Variants in ADCK1 observed in about 807,000 individuals in gnomAD.
ADCK1 encodes the protein aarF domain containing kinase 1, also known as aarF domain-containing protein kinase 1.
ADCK1 carries 41 observed loss-of-function variants against 52.3 expected under a neutral mutation model. The ratio of observed to expected loss-of-function variants is 0.78; its 90% CI spans 0.61 to 1.02. The LOEUF (loss-of-function observed/expected upper bound fraction) is 1.02, where lower values mean the gene tolerates loss of function less well. ADCK1 is among the 50% of genes least tolerant of loss of function. The pLI is 0.00. For synonymous variants in ADCK1, 250 were observed against 274.6 expected (o/e 0.91, Z 0.89); for missense variants, 658 against 679.5 (o/e 0.97, Z 0.35).
chr14:77,911,563 G>T (rs565336071), intron 7 of ADCK1, among the ~76,000 whole-genome samples: 7 of 152,054 alleles, frequency 4.6e-5, no homozygotes, highest in Non-Finnish European at 5.9e-5. Flanking sequence ...CTGTTTTATC[G>T]TACCCATCTC....
At chr14:77,925,699 C>G in intron 8 of ADCK1, 65 bp from the exon 9 acceptor site, 1 of 1,539,064 alleles carries the variant, frequency 6.5e-7, no homozygotes, top group South Asian at 1.1e-5. Flanking sequence ...TTGGCATCAG[C>G]CAGGGACTTG....
intron 4 of ADCK1, among the ~76,000 whole-genome samples, chr14:77,861,454 C>T (rs1335867497): frequency 1.3e-5 from 2 of 151,900 alleles, no homozygotes; most frequent in South Asian, 2.1e-4. Flanking sequence ...GCATTTCCAG[C>T]CTCCTCCAGC....
intron 4 of ADCK1, among the ~76,000 whole-genome samples, chr14:77,872,213 A>G (rs1042368030): frequency 3.3e-5 from 5 of 152,164 alleles, no homozygotes; most frequent in South Asian, 4.1e-4. Context: ...ACTTCCAGAC[A>G]TAGAAACTGA....
chr14:77,906,344 C>A (rs998541750), intron 6 of ADCK1, among the ~76,000 whole-genome samples: 1 of 152,216 alleles, frequency 6.6e-6, no homozygotes, highest in Non-Finnish European at 1.5e-5. Flanking sequence ...ACTCGGCATG[C>A]TGGAAGCCCA....
At chr14:77,801,140 A>G (rs1280770077) in intron 1 of ADCK1, among the ~76,000 whole-genome samples, 2 of 152,208 alleles carry the variant, frequency 1.3e-5, no homozygotes, top group African/African-American at 2.4e-5. Context: ...CATGCACCAG[A>G]GTCACCTGGA....
intron 1 of ADCK1, among the ~76,000 whole-genome samples, chr14:77,811,881 A>G (rs2081345185): frequency 6.6e-6 from 1 of 152,254 alleles, no homozygotes; most frequent in Non-Finnish European, 1.5e-5. Context: ...AAATATTGGC[A>G]TAATAAAATG....
At chr14:77,844,614 C>T (rs568994121) in intron 3 of ADCK1, among the ~76,000 whole-genome samples, 104 of 152,150 alleles carry the variant, frequency 6.8e-4, no homozygotes, top group Middle Eastern at 6.8e-3. Flanking sequence ...GGGCGTTGGC[C>T]TGGAGTGTAG....
Position 77,920,742 on chromosome 14 carries a change from G to A in ADCK1, c.859-3715G>A, listed in dbSNP as rs576274655. On this transcript the variant is annotated intron_variant, in intron 7 of 10. Transcript: ENST00000238561. Reference sequence around the variant, plus strand: ...TAGCTCACTGCAGCCTGAAACTCCTGGGCTCAAGTGATCCTTCTGCCTTAG... The same window carrying A: ...TAGCTCACTGCAGCCTGAAACTCCTAGGCTCAAGTGATCCTTCTGCCTTAG... Among the ~76,000 whole-genome samples the A allele has an allele frequency of 6.6e-5, 10 of 152,130 alleles. No individual in the cohort carries two copies. The South Asian group carries it at 2.1e-3, about 32-fold the overall frequency.
At chr14:77,884,228 ATTGGGCCATT>A (rs2083098164) in intron 4 of ADCK1, among the ~76,000 whole-genome samples, 1 of 152,288 alleles carries the variant, frequency 6.6e-6, no homozygotes, top group South Asian at 2.1e-4. Flanking sequence ...CAGTGGGAAG[ATTGGGCCATT>A]TTAGCTGCCC....
At chr14:77,913,215 C>G (rs78703737) in intron 7 of ADCK1, among the ~76,000 whole-genome samples, 2,746 of 152,332 alleles carry the variant, frequency 0.018, 94 homozygotes, top group African/African-American at 0.063. Context: ...TGCATTTCAA[C>G]AGACTGTCCA....
intron 4 of ADCK1, among the ~76,000 whole-genome samples, chr14:77,873,361 GATTTAT>G (rs2082827618): frequency 6.6e-6 from 1 of 152,248 alleles, no homozygotes; most frequent in Non-Finnish European, 1.5e-5. Flanking sequence ...CCTCCTTGGT[GATTTAT>G]GCCATGGGAG....
Position 77,816,428 on chromosome 14 carries a change from T to TCCCTA in ADCK1, c.-11-2540_-11-2539insCCCTA, listed in dbSNP as rs60264325. Among the ~76,000 whole-genome samples the TCCCTA allele has an allele frequency of 9.2e-5, 14 of 151,700 alleles. No individual in the cohort carries two copies. The East Asian group carries it at 2.3e-3, about 25-fold the overall frequency. On this transcript the variant is annotated intron_variant, in intron 1 of 10. Coordinates refer to ENST00000238561, the MANE Select transcript of ADCK1 (RefSeq NM_020421.4). ...TGGTCTTTCCCCACCTTTCTGATTG[T>TCCCTA]GGATCTTAACCCTCCCTAGAGTAGG...
chr14:77,883,731 G>C (rs1165923964), intron 4 of ADCK1, among the ~76,000 whole-genome samples: 1 of 152,104 alleles, frequency 6.6e-6, no homozygotes, highest in African/African-American at 2.4e-5. Flanking sequence ...TGTGTGACAG[G>C]TTTCCGGTGC....
chr14:77,800,269 A>C (rs1426461155), intron 1 of ADCK1, 99 bp downstream of exon 1: 1 of 152,320 alleles, frequency 6.6e-6, no homozygotes, highest in Non-Finnish European at 1.5e-5. Context: ...CGGCATGGAC[A>C]CGCCGGGAGT....
At chr14:77,818,821 G>C in intron 1 of ADCK1, 147 bp from the exon 2 acceptor site, 1 of 935,158 alleles carries the variant, frequency 1.1e-6, no homozygotes, top group African/African-American at 1.7e-5. Context: ...GTATTATCCT[G>C]TTTTACAAAC....
intron 3 of ADCK1, among the ~76,000 whole-genome samples, chr14:77,840,686 A>G (rs1321259200): frequency 1.3e-5 from 2 of 152,000 alleles, no homozygotes; most frequent in African/African-American, 2.4e-5. Flanking sequence ...TGTTTCTACT[A>G]AAAATACAAA....
chr14:77,926,803 T>C (rs1048635034), intron 9 of ADCK1, among the ~76,000 whole-genome samples: 1 of 152,128 alleles, frequency 6.6e-6, no homozygotes, highest in Non-Finnish European at 1.5e-5. Context: ...CTCCACCCAG[T>C]ACTCAGACCC....
chr14:77,915,428 A>G (rs1304101380), intron 7 of ADCK1, among the ~76,000 whole-genome samples: 1 of 148,048 alleles, frequency 6.8e-6, no homozygotes, highest in Non-Finnish European at 1.5e-5. Flanking sequence ...ACTATGAGTG[A>G]TAAATTATGC....
At chr14:77,846,428 G>A (rs2052443) in intron 3 of ADCK1, among the ~76,000 whole-genome samples, 19,256 of 152,176 alleles carry the variant, frequency 0.13, 1,468 homozygotes, top group African/African-American at 0.19. Context: ...AGAAGCAGTC[G>A]GAGTCCATGA....
Sources: gnomAD v4.1 joint callset for allele counts (sites outside exome capture counted in the v4.1 genomes callset) on GRCh38, gnomAD v4.1.1 for gene constraint, MANE v1.5 for transcripts, NCBI Gene and HGNC (gene_info 2026-07-23, HGNC 2026-07-21) for gene names.